The following CXADR variants were observed in gnomAD, a reference collection of about 807,000 sequenced individuals.
CXADR encodes CXADR cell adhesion molecule, also known as coxsackievirus and adenovirus receptor.
In CXADR, 20 loss-of-function variants were observed where a neutral mutation model predicts 40.3. That is an observed-to-expected ratio of 0.50 (90% CI 0.35 to 0.72). CXADR has a LOEUF of 0.72. Ranked by LOEUF, CXADR falls within the 30% of genes least tolerant of loss-of-function variation. The probability of loss-of-function intolerance (pLI) is 0.01; values close to 1 mark genes in which losing one functional copy is unlikely to be tolerated. For synonymous variants in CXADR, 150 were observed against 161.3 expected (o/e 0.93, Z 0.53); for missense variants, 332 against 449.1 (o/e 0.74, Z 2.36).
At chr21:17,529,616 C>T (rs907254623) in intron 1 of CXADR, among the ~76,000 whole-genome samples, 1 of 152,176 alleles carries the variant, frequency 6.6e-6, no homozygotes, top group African/African-American at 2.4e-5. Context: ...CCACTGCGCC[C>T]GGCCGCCTTT....
intron 1 of CXADR, among the ~76,000 whole-genome samples, chr21:17,544,047 A>G (rs1452279320): frequency 6.6e-6 from 1 of 152,156 alleles, no homozygotes; most frequent in Non-Finnish European, 1.5e-5. Context: ...ATGCCACCTA[A>G]GTCAGTTTCA....
chr21:17,578,877 A>G (rs1289066110), intron 7 of CXADR, among the ~76,000 whole-genome samples: 1 of 152,140 alleles, frequency 6.6e-6, no homozygotes, highest in Non-Finnish European at 1.5e-5. Flanking sequence ...ACCTGTCTCA[A>G]ATGAAATCCT....
chr21:17,567,397 C>T lies in CXADR; in HGVS notation c.*1705C>T. ...AAAATTACTTTTATACTCGTGTTAA[C>T]ATTTTCATCTGTGCCTTTTGGTAAT... On this transcript the variant is annotated 3_prime_UTR_variant, in exon 7 of 7. Transcript: ENST00000284878. 1.0e-6 allele frequency: 1 copy of T among 984,988 alleles called. No homozygotes were observed. The highest frequency in any genetic ancestry group is 1.2e-6 in the Non-Finnish European group (1 of 829,524). The allele number at this position is 984,988 out of a possible 1,614,324, so 61.0% of individuals were successfully genotyped here. A position where few individuals can be genotyped will look rare whatever the true frequency, so the allele number is the denominator to read the frequency against.
chr21:17,556,471 A>G (rs937766400), intron 3 of CXADR, among the ~76,000 whole-genome samples: 6 of 152,204 alleles, frequency 3.9e-5, no homozygotes, highest in Non-Finnish European at 8.8e-5. Context: ...TATGGGAGAA[A>G]ATGGATATAG....
chr21:17,546,034 C>T lies in CXADR; in HGVS notation c.44-993C>T, dbSNP rs547712329. On this transcript the variant is annotated intron_variant, in intron 1 of 6. Transcript: ENST00000284878. ...CTTCAGATGATTCACCTACCTTGGC[C>T]TCCTGAATTGCTGGGATTACAGGCG... 3.2e-4 allele frequency among the ~76,000 whole-genome samples: 48 copies of T among 152,260 alleles called. 2 individuals carry two copies. In the South Asian group the frequency reaches 9.8e-3, roughly 31 times the overall value.
the CXADR span, among the ~76,000 whole-genome samples, chr21:17,628,693 G>T: frequency 1.8e-3 from 278 of 152,224 alleles, 3 homozygotes; most frequent in East Asian, 1.4e-3. Flanking sequence ...AGTAGAGATG[G>T]TGTTTCACCA....
chr21:17,527,443 C>G, intron 1 of CXADR, among the ~76,000 whole-genome samples: 1 of 152,168 alleles, frequency 6.6e-6, no homozygotes, highest in East Asian at 1.9e-4. Context: ...TAAGCAGCCT[C>G]AATTCTTGTG....
At chr21:17,596,082 C>T (rs186448448), downstream of CXADR, among the ~76,000 whole-genome samples, 63 of 152,050 alleles carry the variant, frequency 4.1e-4, no homozygotes, top group East Asian at 0.012. Context: ...GCTCCTCCTG[C>T]CCTTTTTTTG....
At chr21:17,526,224 G>C (rs2060596860) in intron 1 of CXADR, among the ~76,000 whole-genome samples, 1 of 151,958 alleles carries the variant, frequency 6.6e-6, no homozygotes, top group African/African-American at 2.4e-5. Flanking sequence ...GGGGCAGTGT[G>C]CCATCAAAAC....
chr21:17,630,326 C>A, the CXADR span, among the ~76,000 whole-genome samples: 1 of 152,102 alleles, frequency 6.6e-6, no homozygotes, highest in Non-Finnish European at 1.5e-5. Context: ...GTCACACTTG[C>A]GTAATTGCTT....
chr21:17,561,405 T>C lies in CXADR; in HGVS notation c.762T>C (p.Gly254=), dbSNP rs1322139117. 1 of 1,612,758 alleles carries C rather than the reference T, an allele frequency of 6.2e-7. No homozygotes were observed. The highest frequency in any genetic ancestry group is 8.5e-7 in the Non-Finnish European group (1 of 1,179,266). ...CTTTGCTTGCTCTAGCGCTCATTGG[T>C]CTTATCATCTTTTGCTGTCGTAAAA... The part of the protein sequence containing the change: ...IGTLLALALI[G]LIIFCCRKKR... The change falls in exon 6 of 7, where the codon GGT becomes GGC. Residue 254 remains glycine, a synonymous_variant. Coordinates refer to ENST00000284878, the MANE Select transcript of CXADR (RefSeq NM_001338.5).
intron 7 of CXADR, among the ~76,000 whole-genome samples, chr21:17,590,673 A>G (rs114958480): frequency 2.4e-3 from 362 of 152,124 alleles, no homozygotes; most frequent in African/African-American, 8.0e-3. Context: ...TAGATTCCAG[A>G]GTATATGAAG....
intron 7 of CXADR, among the ~76,000 whole-genome samples, chr21:17,587,137 A>C (rs1014051867): frequency 3.3e-5 from 5 of 152,112 alleles, no homozygotes; most frequent in African/African-American, 1.2e-4. Flanking sequence ...CCAGTCTATC[A>C]TTGTTGGACA....
At chr21:17,529,651 G>T (rs2824336) in intron 1 of CXADR, among the ~76,000 whole-genome samples, 2 of 151,964 alleles carry the variant, frequency 1.3e-5, no homozygotes, top group African/African-American at 2.4e-5. Flanking sequence ...TTAATAAAGC[G>T]TTAGAACATT....
Position 17,566,823 on chromosome 21 carries a change from T to C in CXADR, c.*1131T>C. On this transcript the variant is annotated 3_prime_UTR_variant, in exon 7 of 7. Transcript: ENST00000284878. ...AGTTAAGTGTCCTCCATCAATTCTG[T>C]ATTCCAGACTTGGGAGGATGTACAG... 1 of 970,454 alleles carries C rather than the reference T, an allele frequency of 1.0e-6. No homozygotes were observed. Among genetic ancestry groups the C allele is most frequent in the Non-Finnish European group, 1.2e-6 (1 of 816,412 alleles). The allele number at this position is 970,454 out of a possible 1,614,324, so 60.1% of individuals were successfully genotyped here.
chr21:17,545,356 A>G (rs1569107608), intron 1 of CXADR, among the ~76,000 whole-genome samples: 1 of 152,294 alleles, frequency 6.6e-6, no homozygotes, highest in African/African-American at 2.4e-5. Flanking sequence ...AACTAGTGCT[A>G]TGCATACTTT....
chr21:17,548,586 C>T (rs1039707218), intron 2 of CXADR, among the ~76,000 whole-genome samples: 2 of 152,198 alleles, frequency 1.3e-5, no homozygotes, highest in African/African-American at 4.8e-5. Context: ...GTGCCTGTCC[C>T]GCTTTAGAGC....
chr21:17,530,132 T>TTTTTTC lies in CXADR; in HGVS notation c.44-16895_44-16894insTTTTTC, dbSNP rs1555863321. On this transcript the variant is annotated intron_variant, in intron 1 of 6. Transcript: ENST00000284878. ...CCAGGCTATTTTTTTTTTTTTTTTT[T>TTTTTTC]GTATTTTTTAGTAGAGACGGGGTTT... Among the ~76,000 whole-genome samples, 931 of 143,532 alleles carry TTTTTTC rather than the reference T, an allele frequency of 6.5e-3. 13 individuals carry two copies. The highest frequency in any genetic ancestry group is 9.4e-3 in the Non-Finnish European group (611 of 65,254). 94.2% of individuals were successfully genotyped at this position (143,532 alleles called of 152,430 possible). A position where few individuals can be genotyped will look rare whatever the true frequency, so the allele number is the denominator to read the frequency against.
intron 1 of CXADR, among the ~76,000 whole-genome samples, chr21:17,537,403 G>C (rs909319580): frequency 3.3e-5 from 5 of 152,168 alleles, no homozygotes; most frequent in Admixed American, 3.3e-4. Context: ...TCTCAAAATT[G>C]TTATCTGCTT....
Sources: gnomAD v4.1 joint callset for allele counts (sites outside exome capture counted in the v4.1 genomes callset) on GRCh38, gnomAD v4.1.1 for gene constraint, MANE v1.5 for transcripts, NCBI Gene and HGNC (gene_info 2026-07-23, HGNC 2026-07-21) for gene names.